Variants in PCDH9 observed in about 807,000 individuals in gnomAD.
PCDH9 encodes protocadherin-9.
PCDH9 carries 24 observed loss-of-function variants against 70.6 expected under a neutral mutation model. The observed-to-expected ratio is 0.34, with a 90% CI of 0.25 to 0.48. The LOEUF is 0.48. PCDH9 is among the 20% of genes least tolerant of loss of function. The pLI is 0.99. For missense variants in PCDH9, 1,281 were observed against 1,503.6 expected, an observed-to-expected ratio of 0.85 and a Z score of 2.45; for synonymous variants, 562 against 558.5, an observed-to-expected ratio of 1.01 and a Z score of -0.09.
At chr13:67,219,171 T>C (rs2089671257) in intron 2 of PCDH9, 1 of 152,162 alleles carries the variant, frequency 6.6e-6, no homozygotes, top group South Asian at 2.1e-4. Flanking sequence ...TATCACTCTT[T>C]ACTGTTAAAA....
intron 2 of PCDH9, among the ~76,000 whole-genome samples, chr13:67,114,124 AT>A (rs1350886549): frequency 6.6e-6 from 1 of 152,182 alleles, no homozygotes; most frequent in Non-Finnish European, 1.5e-5. Flanking sequence ...GGCAGACAAA[AT>A]CATCAATTGA....
chr13:66,753,372 C>T (rs1051682107), intron 3 of PCDH9, among the ~76,000 whole-genome samples: 5 of 152,104 alleles, frequency 3.3e-5, no homozygotes, highest in Admixed American at 2.6e-4. Context: ...ATCAAATGAA[C>T]CCAAGACAGA....
intron 3 of PCDH9, among the ~76,000 whole-genome samples, chr13:66,685,812 C>T (rs1313867074): frequency 6.6e-6 from 1 of 152,128 alleles, no homozygotes; most frequent in African/African-American, 2.4e-5. Context: ...TAATGACTGC[C>T]CTATTGCATT....
chr13:66,922,033 T>C (rs2082644813), intron 2 of PCDH9, among the ~76,000 whole-genome samples: 1 of 151,294 alleles, frequency 6.6e-6, no homozygotes, highest in Non-Finnish European at 1.5e-5. Flanking sequence ...GACTTGTGAC[T>C]TAGGTTAACT....
chr13:66,439,140 T>G (rs756087424), intron 4 of PCDH9, among the ~76,000 whole-genome samples: 17 of 152,220 alleles, frequency 1.1e-4, no homozygotes, highest in African/African-American at 3.6e-4. Flanking sequence ...TCCCTTCATC[T>G]TTGTTAACAC....
chr13:66,925,802 T>C (rs1370949353), intron 2 of PCDH9, among the ~76,000 whole-genome samples: 1 of 151,994 alleles, frequency 6.6e-6, no homozygotes, highest in Non-Finnish European at 1.5e-5. Flanking sequence ...CAATGATACT[T>C]TGTAAAGTGA....
chr13:67,082,264 C>T (rs577358470), intron 2 of PCDH9, among the ~76,000 whole-genome samples: 1 of 152,272 alleles, frequency 6.6e-6, no homozygotes, highest in African/African-American at 2.4e-5. Context: ...CTGCTCCCAG[C>T]GCCTTGCAAC....
In PCDH9 at chr13:66,841,958, A is replaced by G. The variant is rs566144707; in HGVS notation, c.3138+61546T>C. 3.9e-5 allele frequency among the ~76,000 whole-genome samples: 6 copies of G among 152,316 alleles called. No individual in the cohort carries two copies. The South Asian group carries it at 1.2e-3, about 32-fold the overall frequency. Reference sequence around the variant, plus strand: ...AAACTATGACATTCCAAAAGGAGAAATTACAGATGTTAGAGAACAGCTGGA... The same window carrying G: ...AAACTATGACATTCCAAAAGGAGAAGTTACAGATGTTAGAGAACAGCTGGA... On this transcript the variant is annotated intron_variant, in intron 3 of 4. Coordinates refer to ENST00000377865, the MANE Select transcript of PCDH9 (RefSeq NM_203487.3).
chr13:67,001,614 A>T (rs1650502380), intron 2 of PCDH9, among the ~76,000 whole-genome samples: 1 of 152,108 alleles, frequency 6.6e-6, no homozygotes, highest in African/African-American at 2.4e-5. Flanking sequence ...ACTGAAAGAG[A>T]GAGAGAGGGC....
intron 3 of PCDH9, among the ~76,000 whole-genome samples, chr13:66,794,531 G>A (rs2080210123): frequency 6.6e-6 from 1 of 152,140 alleles, no homozygotes; most frequent in Non-Finnish European, 1.5e-5. Flanking sequence ...CACATTTATA[G>A]GTGTCACTCA....
At chr13:66,719,777 T>A (rs1036189639) in intron 3 of PCDH9, among the ~76,000 whole-genome samples, 5 of 152,202 alleles carry the variant, frequency 3.3e-5, no homozygotes, top group Non-Finnish European at 7.3e-5. Flanking sequence ...ATAACTACAG[T>A]TAAGTTGCTC....
chr13:66,346,090 C>T (rs1214124939), intron 4 of PCDH9, among the ~76,000 whole-genome samples: 2 of 152,086 alleles, frequency 1.3e-5, no homozygotes, highest in Admixed American at 1.3e-4. Context: ...AACTGGCAGG[C>T]GCAGTGATTT....
chr13:67,041,919 T>C (rs1408908087), intron 2 of PCDH9, among the ~76,000 whole-genome samples: 2 of 152,066 alleles, frequency 1.3e-5, no homozygotes, highest in African/African-American at 2.4e-5. Flanking sequence ...AGCAAGACCA[T>C]GTAACTAGTT....
At chr13:66,344,836 C>T (rs934063422) in intron 4 of PCDH9, among the ~76,000 whole-genome samples, 1 of 152,196 alleles carries the variant, frequency 6.6e-6, no homozygotes, top group Admixed American at 6.5e-5. Flanking sequence ...CACACATGCA[C>T]GTCTCCAGAG....
At position 66,830,411 on chromosome 13, in the gene PCDH9, A is replaced by G. The variant is rs923598051; in HGVS notation, c.3138+73093T>C. ...GGTCACACTAAATTTGTTTTCATAA[A>G]TAAACAACATCTCAGAATTCTCAAC... is the stretch of plus-strand genomic sequence containing the variant. On this transcript the variant is annotated intron_variant, in intron 3 of 4. Transcript: ENST00000377865. 1.1e-4 allele frequency among the ~76,000 whole-genome samples: 17 copies of G among 152,334 alleles called. No individual in the cohort carries two copies. The East Asian group carries it at 1.9e-3, about 17-fold the overall frequency.
At chr13:66,713,624 T>TATATATA in intron 3 of PCDH9, among the ~76,000 whole-genome samples, 1 of 12,658 alleles carries the variant, frequency 7.9e-5, no homozygotes, top group Non-Finnish European at 2.2e-4. Flanking sequence ...TGTGTGTGTG[T>TATATATA]GTATATATAT....
At chr13:66,455,418 G>T (rs1958299400) in intron 4 of PCDH9, among the ~76,000 whole-genome samples, 1 of 151,966 alleles carries the variant, frequency 6.6e-6, no homozygotes, top group African/African-American at 2.4e-5. Flanking sequence ...AAAATATGAG[G>T]TTCTATTAAA....
At chr13:67,047,396 G>A (rs1053482574) in intron 2 of PCDH9, among the ~76,000 whole-genome samples, 3 of 152,154 alleles carry the variant, frequency 2.0e-5, no homozygotes, top group Non-Finnish European at 4.4e-5. Flanking sequence ...ATAGACAACA[G>A]TGGCATTTAT....
At chr13:66,517,731 C>T (rs543332577) in intron 4 of PCDH9, among the ~76,000 whole-genome samples, 9 of 152,212 alleles carry the variant, frequency 5.9e-5, no homozygotes, top group Non-Finnish European at 1.2e-4. Flanking sequence ...AGTAGCGAAT[C>T]TTAAATTTCC....
Sources: allele counts gnomAD v4.1 joint callset (sites outside exome capture counted in the v4.1 genomes callset), GRCh38; gene constraint gnomAD v4.1.1; transcripts MANE v1.5; gene names NCBI Gene and HGNC (gene_info 2026-07-23, HGNC 2026-07-21).